The following FGFRL1 variants were observed in gnomAD, a reference collection of about 807,000 sequenced individuals.
FGFRL1 encodes fibroblast growth factor receptor like 1, also known as fibroblast growth factor receptor-like 1.
A neutral mutation model predicts 36.8 loss-of-function variants in FGFRL1; 24 were observed. The ratio of observed to expected loss-of-function variants is 0.65; its 90% confidence interval spans 0.47 to 0.92. FGFRL1 has a LOEUF of 0.92. Among genes scored for constraint, FGFRL1 ranks in the 40% least tolerant of loss-of-function variants. FGFRL1 has a pLI of 0.00. For missense variants in FGFRL1, 785 were observed against 753.4 expected (o/e 1.04, Z -0.49); for synonymous variants, 422 against 344.1 (o/e 1.23, Z -2.50).
At chr4:1,016,693 G>A (rs1027646869) in intron 2 of FGFRL1, among the ~76,000 whole-genome samples, 4 of 152,100 alleles carry the variant, frequency 2.6e-5, no homozygotes, top group African/African-American at 9.7e-5. Context: ...CCCGAGGGCC[G>A]CCTCGCTAGC....
rs770577862 is a variant in FGFRL1 at position 1,024,441 on chromosome 4, C to G, written c.849C>G (p.Arg283=). Residue 283 remains arginine (R), a synonymous_variant, in exon 6 of 7, where the codon CGC becomes CGG. Coordinates refer to ENST00000510644, the MANE Select transcript of FGFRL1 (RefSeq NM_001004356.3). ...DVKPVIQWLK[R]VEYGAEGRHN... is the part of the protein sequence containing the mutation. ...AGCCGGTGATCCAGTGGCTGAAGCG[C>G]GTGGAGTACGGCGCCGAGGGCCGCC... 3.1e-6 allele frequency: 5 copies of G among 1,612,552 alleles called. No homozygotes were observed. Among genetic ancestry groups the G allele is most frequent in the Non-Finnish European group, 4.2e-6 (5 of 1,179,854 alleles).
intron 2 of FGFRL1, among the ~76,000 whole-genome samples, chr4:1,021,124 G>A (rs1479546002): frequency 3.6e-5 from 4 of 111,802 alleles, no homozygotes; most frequent in South Asian, 3.7e-4. Flanking sequence ...ATGGGGTGGG[G>A]ACCCAGGCAG....
Position 1,025,277 on chromosome 4 carries a change from C to T in FGFRL1, c.1445C>T (p.Thr482Ile), listed in dbSNP as rs745984551. 3 of 1,590,428 alleles carry T rather than the reference C, an allele frequency of 1.9e-6. No homozygotes were observed. In the South Asian group the frequency reaches 3.4e-5, roughly 18 times the overall value. Residue 482 changes from threonine to isoleucine, a missense_variant, in exon 7 of 7, where the codon ACA (threonine) becomes ATA (isoleucine). Physicochemically the swap from Thr to Ile is moderately conservative, Grantham distance 89. Transcript: ENST00000510644. ...PKLYTDIHTHTHTHSHTHSHV... is the reference protein window; with the variant it reads ...PKLYTDIHTHIHTHSHTHSHV... ...CTCTACACAGACATCCACACACACA[C>T]ACACACACACTCTCACACACACTCA... is the stretch of plus-strand genomic sequence containing the variant.
intron 1 of FGFRL1, 146 bp downstream of exon 1, chr4:1,012,100 C>T (rs1196186508): frequency 6.7e-6 from 1 of 149,538 alleles, no homozygotes; most frequent in African/African-American, 2.6e-5. Flanking sequence ...GGCCCCCGGC[C>T]TGCCCCGCCC....
chr4:1,023,558 G>T lies in FGFRL1; in HGVS notation c.353-83G>T. Reference sequence around the variant, plus strand: ...AGGGCTGTCCCGGCTGGGGCTGGGGGAGCTAGAGGCCACGGGGGAGTTGGG... The same window carrying T: ...AGGGCTGTCCCGGCTGGGGCTGGGGTAGCTAGAGGCCACGGGGGAGTTGGG... On this transcript the variant is annotated intron_variant, in intron 3 of 6. Transcript: ENST00000510644. This position sits in a 1 kb window ranked among gnomAD's most constrained non-coding sequence, Gnocchi z 6.0. 1 of 1,288,830 alleles carries T rather than the reference G, an allele frequency of 7.8e-7. No individual in the cohort carries two copies. The highest frequency in any genetic ancestry group is 1.1e-6 in the Non-Finnish European group (1 of 910,902). 79.8% of individuals were successfully genotyped at this position (1,288,830 alleles called of 1,614,324 possible).
rs140852364 is a variant in FGFRL1, at chr4:1,023,884, C to G, written c.501C>G (p.Ser167=). ...RRVIARPVGS[S]VRLKCVASGH... ...TGATCGCACGGCCCGTGGGTAGCTCCGTGCGGCTCAAGTGCGTGGCCAGCG... is the reference window on the plus strand; with the variant it reads ...TGATCGCACGGCCCGTGGGTAGCTCGGTGCGGCTCAAGTGCGTGGCCAGCG... Residue 167 remains serine, a synonymous_variant, in exon 5 of 7, where the codon TCC becomes TCG. Coordinates refer to ENST00000510644, the MANE Select transcript of FGFRL1 (RefSeq NM_001004356.3). This position sits in a 1 kb window ranked among gnomAD's most constrained non-coding sequence, Gnocchi z 6.0. 2 of 1,581,604 alleles carry G rather than the reference C, an allele frequency of 1.3e-6. No homozygotes were observed. Among genetic ancestry groups the G allele is most frequent in the African/African-American group, 2.7e-5 (2 of 74,002 alleles).
At chr4:1,012,822 C>T (rs1021875157) in intron 2 of FGFRL1, among the ~76,000 whole-genome samples, 6 of 152,248 alleles carry the variant, frequency 3.9e-5, no homozygotes, top group Non-Finnish European at 8.8e-5. Context: ...CCTGGCTCCC[C>T]AGGACATGCT....
intron 2 of FGFRL1, among the ~76,000 whole-genome samples, chr4:1,018,033 C>G (rs764431314): frequency 6.6e-6 from 1 of 152,152 alleles, no homozygotes; most frequent in Non-Finnish European, 1.5e-5. Context: ...TTGGAGCCCC[C>G]GAGGAGCTAC....
Position 1,012,485 on chromosome 4 carries a change from G to A in FGFRL1, c.-1G>A. 6.3e-7 allele frequency: 1 copy of A among 1,577,166 alleles called. No individual in the cohort carries two copies. Among genetic ancestry groups the A allele is most frequent in the Non-Finnish European group, 8.6e-7 (1 of 1,166,396 alleles). On this transcript the variant is annotated 5_prime_UTR_variant, in exon 2 of 7. Transcript: ENST00000510644. ...ATGTCCCCAGGTCCGGACAGGCCGAGATGACGCCGAGCCCCCTGTTGCTGC... is the reference window on the plus strand; with the variant it reads ...ATGTCCCCAGGTCCGGACAGGCCGAAATGACGCCGAGCCCCCTGTTGCTGC...
chr4:1,026,815 T>G lies in FGFRL1; in HGVS notation c.*1468T>G, dbSNP rs1195550739. On this transcript the variant is annotated 3_prime_UTR_variant, in exon 7 of 7. Transcript: ENST00000510644. ...CCCACTGTCGTGGTGGCCCCAGATC[T>G]CTGTAATTTTATGTAGAGTTTGAGC... 2.2e-6 allele frequency: 1 copy of G among 455,316 alleles called. No homozygotes were observed. The highest frequency in any genetic ancestry group is 4.4e-6 in the Non-Finnish European group (1 of 226,400). The allele number at this position is 455,316 out of a possible 1,614,324, so 28.2% of individuals were successfully genotyped here.
At chr4:1,024,763 C>G in intron 6 of FGFRL1, 99 bp downstream of exon 6, 1 of 1,414,398 alleles carries the variant, frequency 7.1e-7, no homozygotes. Flanking sequence ...CCTTCCCTCC[C>G]GGGCCGTGCT....
At chr4:1,018,562 TGGAGGAG>T (rs1716014758) in intron 2 of FGFRL1, among the ~76,000 whole-genome samples, 1 of 152,092 alleles carries the variant, frequency 6.6e-6, no homozygotes, top group Admixed American at 6.5e-5. Flanking sequence ...GGGGCTGTGC[TGGAGGAG>T]GAGGCTGGGG....
At position 1,022,306 on chromosome 4, in the gene FGFRL1, C is replaced by A; in HGVS notation, c.183C>A (p.Thr61=). 1 of 1,598,070 alleles carries A rather than the reference C, an allele frequency of 6.3e-7. No homozygotes were observed. Among genetic ancestry groups the A allele is most frequent in the Non-Finnish European group, 8.5e-7 (1 of 1,173,416 alleles). Residue 61 remains threonine (T), a synonymous_variant, in exon 3 of 7, where the codon ACC becomes ACA. Coordinates refer to ENST00000510644, the MANE Select transcript of FGFRL1 (RefSeq NM_001004356.3). ...CPVEGDPPPL[T]MWTKDGRTIH... ...TGGAGGGGGACCCGCCGCCGCTGAC[C>A]ATGTGGACCAAGGATGGCCGCACCA...
chr4:1,022,632 T>G (rs752199800), intron 3 of FGFRL1, among the ~76,000 whole-genome samples, 157 bp downstream of exon 3: 35 of 152,182 alleles, frequency 2.3e-4, no homozygotes, highest in South Asian at 6.2e-4. Context: ...TGGCTGCACC[T>G]CTGCCACCAT....
At position 1,023,959 on chromosome 4, in the gene FGFRL1, G is replaced by A. The variant is rs199798050; in HGVS notation, c.576G>A (p.Thr192=). The A allele has an allele frequency of 3.1e-4, 493 of 1,594,952 alleles. 4 individuals are homozygous for A. In the East Asian group the frequency reaches 5.8e-3, roughly 19 times the overall value. ...GGATGAAGGACGACCAGGCCTTGAC[G>A]CGCCCAGAGGCCGCTGAGCCCAGGA... ...ITWMKDDQAL[T]RPEAAEPRKK... Residue 192 remains threonine, a synonymous_variant, in exon 5 of 7, where the codon ACG becomes ACA. Coordinates refer to ENST00000510644, the MANE Select transcript of FGFRL1 (RefSeq NM_001004356.3). The surrounding 1 kb of genome is among the most constrained non-coding windows in gnomAD (Gnocchi z 6.0).
chr4:1,014,142 G>A (rs1715758665), intron 2 of FGFRL1, among the ~76,000 whole-genome samples: 1 of 152,220 alleles, frequency 6.6e-6, no homozygotes, highest in Non-Finnish European at 1.5e-5. Context: ...GAGGGCTTGG[G>A]TTATTTTTGA....
intron 2 of FGFRL1, among the ~76,000 whole-genome samples, chr4:1,013,246 C>T (rs1434939022): frequency 6.6e-6 from 1 of 152,270 alleles, no homozygotes; most frequent in African/African-American, 2.4e-5. Context: ...CCAGCAAGGA[C>T]ATCCGGAGCC....
At chr4:1,013,041 C>G (rs1406455272) in intron 2 of FGFRL1, among the ~76,000 whole-genome samples, 2 of 152,214 alleles carry the variant, frequency 1.3e-5, no homozygotes, top group Admixed American at 1.3e-4. Context: ...CCCAGACCCC[C>G]AGTCCCCCAG....
Position 1,019,936 on chromosome 4 carries a change from C to T in FGFRL1, c.80-2267C>T, listed in dbSNP as rs568756640. 4.6e-5 allele frequency among the ~76,000 whole-genome samples: 7 copies of T among 152,346 alleles called. No individual in the cohort carries two copies. The East Asian group carries it at 7.7e-4, about 17-fold the overall frequency. Reference sequence around the variant, plus strand: ...TGTGTTTCTGGGCACAGCAGGGAGGCGCCGTGTCTCCACTCCCAGCCCCAG... The same window carrying T: ...TGTGTTTCTGGGCACAGCAGGGAGGTGCCGTGTCTCCACTCCCAGCCCCAG... On this transcript the variant is annotated intron_variant, in intron 2 of 6. Transcript: ENST00000510644.
Sources: allele counts gnomAD v4.1 joint callset (sites outside exome capture counted in the v4.1 genomes callset), GRCh38; gene constraint gnomAD v4.1.1; non-coding constraint Gnocchi (gnomAD v3.1); transcripts MANE v1.5; gene names NCBI Gene and HGNC (gene_info 2026-07-23, HGNC 2026-07-21).